The following GIMAP8 variants were observed in gnomAD, a reference collection of about 807,000 sequenced individuals.
GIMAP8 encodes the protein GTPase, IMAP family member 8.
GIMAP8 carries 29 observed loss-of-function variants against 35.6 expected under a neutral mutation model. That is an observed-to-expected ratio of 0.81 (90% CI 0.61 to 1.11). GIMAP8 has a LOEUF of 1.11. GIMAP8 is among the 50% of genes most tolerant of loss of function. The probability of loss-of-function intolerance (pLI) is 0.00; values close to 1 mark genes in which losing one functional copy is unlikely to be tolerated. For synonymous variants in GIMAP8, 335 were observed against 308.7 expected, an observed-to-expected ratio of 1.09 and a Z score of -0.89; for missense variants, 811 against 805.0, an observed-to-expected ratio of 1.01 and a Z score of -0.09.
intron 4 of GIMAP8, among the ~76,000 whole-genome samples, 158 bp from the exon 5 acceptor site, chr7:150,476,934 C>T (rs930583917): frequency 2.0e-5 from 3 of 152,214 alleles, no homozygotes; most frequent in African/African-American, 4.8e-5. Flanking sequence ...AAGTCATTCC[C>T]GTGTTTGGAG....
chr7:150,477,479 G>T lies in GIMAP8; in HGVS notation c.1697G>T (p.Arg566Leu). ...FTKYAIMLFT[R>L]KEDLGAGNLE... is the part of the protein sequence containing the mutation. The stretch of plus-strand genomic sequence containing the variant: ...AAATACGCGATTATGCTGTTCACCC[G>T]GAAGGAAGACCTAGGGGCGGGGAAT... Residue 566 changes from arginine to leucine, a missense_variant, in exon 5 of 5, where the codon CGG becomes CTG. Transcript: ENST00000307271. The T allele has an allele frequency of 6.2e-7, 1 of 1,614,168 alleles. No homozygotes were observed. The highest frequency in any genetic ancestry group is 2.2e-5 in the East Asian group (1 of 44,884).
chr7:150,454,505 G>A (rs890255201), intron 1 of GIMAP8, among the ~76,000 whole-genome samples: 2 of 152,176 alleles, frequency 1.3e-5, no homozygotes, highest in African/African-American at 4.8e-5. Flanking sequence ...GGGTAGGAAC[G>A]TTCCAGGCAG....
In GIMAP8 at chr7:150,477,405, C is replaced by T; in HGVS notation, c.1623C>T (p.Asp541=). Residue 541 remains aspartate, a synonymous_variant, in exon 5 of 5, where the codon GAC becomes GAT. Transcript: ENST00000307271. ...VFQLGRFTEE[D]KTAVAKLEAI... ...AGCTGGGACGATTCACTGAAGAGGA[C>T]AAAACAGCTGTGGCGAAACTGGAGG... 2 of 1,614,064 alleles carry T rather than the reference C, an allele frequency of 1.2e-6. No homozygotes were observed. Among genetic ancestry groups the T allele is most frequent in the Non-Finnish European group, 1.7e-6 (2 of 1,179,960 alleles).
Position 150,472,577 on chromosome 7 carries a change from C to A in GIMAP8, c.683-1435C>A, listed in dbSNP as rs1802115649. 6.6e-6 allele frequency among the ~76,000 whole-genome samples: 1 copy of A among 152,204 alleles called. No individual in the cohort carries two copies. Among genetic ancestry groups the A allele is most frequent in the African/African-American group, 2.4e-5 (1 of 41,440 alleles). On this transcript the variant is annotated intron_variant, in intron 3 of 4. Coordinates refer to ENST00000307271, the MANE Select transcript of GIMAP8 (RefSeq NM_175571.4). This position sits in a 1 kb window ranked among gnomAD's most constrained non-coding sequence, Gnocchi z 4.1. ...TCAAGGGCTATTTATTATCCCTTCT[C>A]ACTCCTACTTTTAACCACTGCACTG...
intron 4 of GIMAP8, among the ~76,000 whole-genome samples, chr7:150,476,540 A>G (rs1391474581): frequency 6.6e-6 from 1 of 152,270 alleles, no homozygotes; most frequent in Non-Finnish European, 1.5e-5. Flanking sequence ...GAATTTTTAC[A>G]TGTCCTAACT....
intron 1 of GIMAP8, among the ~76,000 whole-genome samples, chr7:150,452,338 G>C (rs1464561995): frequency 6.6e-6 from 1 of 151,070 alleles, no homozygotes; most frequent in Non-Finnish European, 1.5e-5. Context: ...TGTGTGTGTA[G>C]GTCCTGACAT....
rs1433094333 is a variant in GIMAP8 at position 150,467,308 on chromosome 7, T to C, written c.610T>C (p.Phe204Leu). 6.2e-7 allele frequency: 1 copy of C among 1,611,892 alleles called. No individual in the cohort carries two copies. The highest frequency in any genetic ancestry group is 8.5e-7 in the Non-Finnish European group (1 of 1,178,230). Residue 204 changes from phenylalanine to leucine, a missense_variant, in exon 2 of 5, where the codon TTC becomes CTC. Transcript: ENST00000307271. ...GAACGGAGGACCCTATCATGTGAACTTCAAAACTGAAGGCAGCAGGTTTCA... is the reference window on the plus strand; with the variant it reads ...GAACGGAGGACCCTATCATGTGAACCTCAAAACTGAAGGCAGCAGGTTTCA... The part of the protein sequence containing the change: ...NTNGGPYHVN[F>L]KTEGSRFQDC...
At chr7:150,464,660 G>A (rs1017955632) in intron 1 of GIMAP8, among the ~76,000 whole-genome samples, 1 of 152,250 alleles carries the variant, frequency 6.6e-6, no homozygotes, top group African/African-American at 2.4e-5. Flanking sequence ...AACAACCTGG[G>A]CAACAGAGAG....
Position 150,474,421 on chromosome 7 carries a change from C to T in GIMAP8, c.1092C>T (p.Thr364=). The change falls in exon 4 of 5, where the codon ACC becomes ACT. Residue 364 remains threonine, a synonymous_variant. Coordinates refer to ENST00000307271, the MANE Select transcript of GIMAP8 (RefSeq NM_175571.4). ...TTGAGTACATGATCATACTTCTTAC[C>T]AGGAAAGAAGATTTAGGGGATCAGG... The part of the protein sequence containing the change: ...KFFEYMIILL[T]RKEDLGDQDL... 1 of 1,613,856 alleles carries T rather than the reference C, an allele frequency of 6.2e-7. No homozygotes were observed. The highest frequency in any genetic ancestry group is 8.5e-7 in the Non-Finnish European group (1 of 1,179,874).
intron 1 of GIMAP8, among the ~76,000 whole-genome samples, chr7:150,454,113 G>A (rs1801677424): frequency 6.6e-6 from 1 of 152,172 alleles, no homozygotes; most frequent in African/African-American, 2.4e-5. Context: ...AAGCATGTTT[G>A]AAGTACAGCG....
chr7:150,467,441 T>A lies in GIMAP8; in HGVS notation c.636+107T>A, dbSNP rs903310796. The A allele has an allele frequency of 5.8e-6, 5 of 869,010 alleles. No individual in the cohort carries two copies. The African/African-American group carries it at 8.6e-5, about 15-fold the overall frequency. 53.8% of individuals were successfully genotyped at this position (869,010 alleles called of 1,614,324 possible). ...TGCATTGTGTGATGGAACATGGGTTTTGTTTAATAAGATATTTATATATAA... is the reference window on the plus strand; with the variant it reads ...TGCATTGTGTGATGGAACATGGGTTATGTTTAATAAGATATTTATATATAA... On this transcript the variant is annotated intron_variant, in intron 2 of 4. Transcript: ENST00000307271.
chr7:150,473,160 C>G (rs749484245), intron 3 of GIMAP8, among the ~76,000 whole-genome samples: 9 of 152,140 alleles, frequency 5.9e-5, no homozygotes, highest in Non-Finnish European at 1.3e-4. Flanking sequence ...AGAAAGCTCC[C>G]TGCAGTTGCA....
chr7:150,477,387 A>T lies in GIMAP8; in HGVS notation c.1605A>T (p.Gly535=). 5.0e-6 allele frequency: 8 copies of T among 1,614,178 alleles called. No individual in the cohort carries two copies. The highest frequency in any genetic ancestry group is 6.8e-6 in the Non-Finnish European group (8 of 1,180,036). ...DTFFVLVFQL[G]RFTEEDKTAV... ...TTTTTGTCCTGGTGTTCCAGCTGGG[A>T]CGATTCACTGAAGAGGACAAAACAG... The change falls in exon 5 of 5, where the codon GGA becomes GGT. Residue 535 remains glycine (G), a synonymous_variant. Transcript: ENST00000307271.
At chr7:150,468,039 C>T (rs1407032750) in intron 2 of GIMAP8, among the ~76,000 whole-genome samples, 1 of 152,150 alleles carries the variant, frequency 6.6e-6, no homozygotes, top group Admixed American at 6.5e-5. Flanking sequence ...GCTCTTTGTA[C>T]CCACACCCCA....
In GIMAP8 at chr7:150,467,239, C is replaced by G; in HGVS notation, c.541C>G (p.Gln181Glu). Residue 181 changes from glutamine to glutamate, a missense_variant, in exon 2 of 5, where the codon CAG becomes GAG. Coordinates refer to ENST00000307271, the MANE Select transcript of GIMAP8 (RefSeq NM_175571.4). ...KTNSKDEQIT[Q>E]VLELLRKVES... is the part of the protein sequence containing the mutation. ...CAATAGTAAGGATGAGCAGATCACCCAGGTGTTGGAGCTCCTTCGCAAGGT... is the reference window on the plus strand; with the variant it reads ...CAATAGTAAGGATGAGCAGATCACCGAGGTGTTGGAGCTCCTTCGCAAGGT... 1 of 1,614,198 alleles carries G rather than the reference C, an allele frequency of 6.2e-7. No homozygotes were observed. Among genetic ancestry groups the G allele is most frequent in the Middle Eastern group, 1.6e-4 (1 of 6,062 alleles).
Position 150,450,861 on chromosome 7 carries a change from GT to G in GIMAP8, c.-341del, listed in dbSNP as rs1801587713. 1 of 152,650 alleles carries G rather than the reference GT, an allele frequency of 6.6e-6. No individual in the cohort carries two copies. Among genetic ancestry groups the G allele is most frequent in the African/African-American group, 2.4e-5 (1 of 41,454 alleles). 9.5% of individuals were successfully genotyped at this position (152,650 alleles called of 1,614,324 possible). A position where few individuals can be genotyped will look rare whatever the true frequency, so the allele number is the denominator to read the frequency against. ...GGCCGGGCTCCTCAGTTTCTGCTGT[GT>G]TGTGACCCCACGAGGCGCTCAGCAC... is the stretch of plus-strand genomic sequence containing the variant. On this transcript the variant is annotated 5_prime_UTR_variant, in exon 1 of 5. Coordinates refer to ENST00000307271, the MANE Select transcript of GIMAP8 (RefSeq NM_175571.4). The surrounding 1 kb of genome is among the most constrained non-coding windows in gnomAD (Gnocchi z 4.4).
At chr7:150,455,098 A>G (rs1801698170) in intron 1 of GIMAP8, among the ~76,000 whole-genome samples, 1 of 149,054 alleles carries the variant, frequency 6.7e-6, no homozygotes, top group Non-Finnish European at 1.5e-5. Flanking sequence ...AGATCGTGCC[A>G]TTGCACTTCA....
intron 1 of GIMAP8, among the ~76,000 whole-genome samples, chr7:150,464,726 A>G (rs539141013): frequency 6.6e-6 from 1 of 152,232 alleles, no homozygotes; most frequent in African/African-American, 2.4e-5. Flanking sequence ...ATATTTTAAC[A>G]ATTTATGTTA....
At position 150,477,736 on chromosome 7, in the gene GIMAP8, C is replaced by A. The variant is rs763493694; in HGVS notation, c.1954C>A (p.Gln652Lys). The A allele has an allele frequency of 6.2e-7, 1 of 1,613,318 alleles. No homozygotes were observed. The highest frequency in any genetic ancestry group is 1.7e-5 in the Admixed American group (1 of 59,790). ...AATTAAAAATGTCCAGGAAATGTCC[C>A]AAGCCGAAAAACTCCTTAAAAATTT... ...KLIKNVQEMS[Q>K]AEKLLKNLIG... The change falls in exon 5 of 5, where the codon CAA becomes AAA. Residue 652 changes from glutamine to lysine, a missense_variant. Transcript: ENST00000307271.
Sources: gnomAD v4.1 joint callset for allele counts (sites outside exome capture counted in the v4.1 genomes callset) on GRCh38, gnomAD v4.1.1 for gene constraint, Gnocchi (gnomAD v3.1) non-coding constraint, MANE v1.5 for transcripts, NCBI Gene and HGNC (gene_info 2026-07-23, HGNC 2026-07-21) for gene names.